The following FAM83H variants were observed in gnomAD, a reference collection of about 807,000 sequenced individuals.
FAM83H encodes the protein scaffolding CK1 anchoring protein H.
A neutral mutation model predicts 30.2 loss-of-function variants in FAM83H; 24 were observed. The ratio of observed to expected loss-of-function variants is 0.79; its 90% CI spans 0.57 to 1.12. FAM83H has a LOEUF of 1.12. Ranked by LOEUF, FAM83H falls within the 50% of genes most tolerant of loss-of-function variation. FAM83H has a pLI of 0.00. For missense variants in FAM83H, 2,038 were observed against 1,773.9 expected (o/e 1.15, Z -2.67); for synonymous variants, 1,013 against 821.7 (o/e 1.23, Z -3.98).
In FAM83H at chr8:143,725,482, G is replaced by C. The variant is rs1554621298; in HGVS notation, c.*439C>G. The C allele has an allele frequency of 9.3e-6, 2 of 214,106 alleles. No homozygotes were observed. The highest frequency in any genetic ancestry group is 2.3e-5 in the African/African-American group (1 of 43,254). 13.3% of individuals were successfully genotyped at this position (214,106 alleles called of 1,614,324 possible). ...GTGGTAGCATACATCTGTAATCCCAGCTACTCAGGAGGCTGAGGCAGGAGA... is the reference window on the plus strand; with the variant it reads ...GTGGTAGCATACATCTGTAATCCCACCTACTCAGGAGGCTGAGGCAGGAGA... On this transcript the variant is annotated 3_prime_UTR_variant, in exon 5 of 5. Coordinates refer to ENST00000388913, the MANE Select transcript of FAM83H (RefSeq NM_198488.5).
At position 143,727,483 on chromosome 8, in the gene FAM83H, G is replaced by T; in HGVS notation, c.1978C>A (p.Pro660Thr). 1 of 1,568,962 alleles carries T rather than the reference G, an allele frequency of 6.4e-7. No homozygotes were observed. The highest frequency in any genetic ancestry group is 1.3e-5 in the African/African-American group (1 of 74,516). The change falls in exon 5 of 5, where the codon CCT (proline) becomes ACT (threonine). Residue 660 changes from proline to threonine, a missense_variant. Pro to Thr is a conservative substitution (Grantham distance 38). Coordinates refer to ENST00000388913, the MANE Select transcript of FAM83H (RefSeq NM_198488.5). ...NGPEREGPEE[P>T]GLAKQDSFRS... is the part of the protein sequence containing the mutation. ...AATGAGTCCTGCTTGGCCAGGCCAGGCTCCTCCGGGCCCTCGCGCTCTGGG... is the reference window on the plus strand; with the variant it reads ...AATGAGTCCTGCTTGGCCAGGCCAGTCTCCTCCGGGCCCTCGCGCTCTGGG...
chr8:143,728,763 C>T (rs1344577823), intron 4 of FAM83H, 40 bp from the exon 5 acceptor site: 8 of 1,598,380 alleles, frequency 5.0e-6, no homozygotes, highest in Non-Finnish European at 5.9e-6. Context: ...CGAGCTGGAG[C>T]GAGGGCACTG....
In FAM83H at chr8:143,728,739, G is replaced by T. The variant is rs781965197; in HGVS notation, c.738-16C>A. 6.3e-7 allele frequency: 1 copy of T among 1,598,698 alleles called. No homozygotes were observed. Among genetic ancestry groups the T allele is most frequent in the South Asian group, 1.1e-5 (1 of 91,082 alleles). ...CCACATGAAGCTGTGGGGGGGTCAG[G>T]GCCAGAGTCAAACCGAGCTGGAGCG... On this transcript the variant is annotated splice_polypyrimidine_tract_variant and intron_variant, in intron 4 of 4. Coordinates refer to ENST00000388913, the MANE Select transcript of FAM83H (RefSeq NM_198488.5).
At chr8:143,732,110 T>C in intron 1 of FAM83H, 1 of 985,272 alleles carries the variant, frequency 1.0e-6, no homozygotes, top group Non-Finnish European at 1.2e-6. Flanking sequence ...ACTACATGGG[T>C]GCTAGCCGGA....
At chr8:143,732,266 T>C in intron 1 of FAM83H, 1 of 985,340 alleles carries the variant, frequency 1.0e-6, no homozygotes, top group Non-Finnish European at 1.2e-6. Flanking sequence ...GTCCCAACAT[T>C]TCTTTGTTGG....
Position 143,728,194 on chromosome 8 carries a change from A to G in FAM83H, c.1267T>C (p.Phe423Leu), listed in dbSNP as rs782081943. ...CGCGACACCTGCCGCGCGGCCGCGA[A>G]GTTCTCCACGGCGCCCGCGCCCTCG... is the stretch of plus-strand genomic sequence containing the variant. ...ATEGAGAVEN[F>L]AAARQVSRQT... The change falls in exon 5 of 5, where the codon TTC (phenylalanine) becomes CTC (leucine). Residue 423 changes from phenylalanine (F) to leucine (L), a missense_variant. Physicochemically the swap from Phe to Leu is conservative, Grantham distance 22. Transcript: ENST00000388913. The G allele has an allele frequency of 6.2e-6, 10 of 1,604,018 alleles. No homozygotes were observed. The highest frequency in any genetic ancestry group is 3.4e-5 in the Admixed American group (2 of 59,572).
At position 143,728,498 on chromosome 8, in the gene FAM83H, G is replaced by A. The variant is rs782764614; in HGVS notation, c.963C>T (p.Ser321=). ...ACAGGAGGTGCGCTCGTTTAGGGAA[G>A]GAGAAGGGGGTTGGCGCCCCGACCC... ...VPGVGAPTPF[S]FPKRAHLLFP... The change falls in exon 5 of 5, where the codon TCC becomes TCT. Residue 321 remains serine, a synonymous_variant. Transcript: ENST00000388913. The A allele has an allele frequency of 1.1e-5, 17 of 1,556,192 alleles. No individual in the cohort carries two copies. The South Asian group carries it at 1.5e-4, about 14-fold the overall frequency.
Position 143,727,306 on chromosome 8 carries a change from G to A in FAM83H, c.2155C>T (p.Leu719=), listed in dbSNP as rs1554622470. 6.5e-7 allele frequency: 1 copy of A among 1,543,130 alleles called. No homozygotes were observed. ...CGCACGGCCTCTCCGCCGGGCCCCAGCGTCTCGCTGACCGTCTGCTCCTTG... is the reference window on the plus strand; with the variant it reads ...CGCACGGCCTCTCCGCCGGGCCCCAACGTCTCGCTGACCGTCTGCTCCTTG... The part of the protein sequence containing the change: ...LHKEQTVSET[L]GPGGEAVRSA... Residue 719 remains leucine, a synonymous_variant, in exon 5 of 5, where the codon CTG becomes TTG. Transcript: ENST00000388913.
Position 143,728,374 on chromosome 8 carries a change from G to A in FAM83H, c.1087C>T (p.Pro363Ser), listed in dbSNP as rs781792849. Residue 363 changes from proline (P) to serine (S), a missense_variant, in exon 5 of 5, where the codon CCG becomes TCG. By Grantham distance (74) the Pro-to-Ser change is moderately conservative (BLOSUM62 -1). Coordinates refer to ENST00000388913, the MANE Select transcript of FAM83H (RefSeq NM_198488.5). Reference protein sequence around the residue: ...AFRREEPPRMPGGALEPHAGL... With the variant: ...AFRREEPPRMSGGALEPHAGL... ...GCGTGCGGTTCCAGCGCGCCCCCCG[G>A]CATCCGCGGCGGCTCCTCCCGGCGG... is the stretch of plus-strand genomic sequence containing the variant. The A allele has an allele frequency of 5.8e-6, 9 of 1,544,296 alleles. No individual in the cohort carries two copies. Among genetic ancestry groups the A allele is most frequent in the East Asian group, 2.5e-5 (1 of 40,572 alleles).
chr8:143,726,302 C>T lies in FAM83H; in HGVS notation c.3159G>A (p.Lys1053=), dbSNP rs1554621684. 3 of 1,612,140 alleles carry T rather than the reference C, an allele frequency of 1.9e-6. No homozygotes were observed. Among genetic ancestry groups the T allele is most frequent in the Non-Finnish European group, 2.5e-6 (3 of 1,179,728 alleles). ...ILEQISAHGQ[K]HRAVPAPSPG... is the part of the protein sequence containing the mutation. ...GGCTCGGGGCAGGGACCGCACGGTG[C>T]TTCTGGCCGTGGGCACTGATCTGCT... Residue 1053 remains lysine, a synonymous_variant, in exon 5 of 5, where the codon AAG becomes AAA. Coordinates refer to ENST00000388913, the MANE Select transcript of FAM83H (RefSeq NM_198488.5).
At chr8:143,732,186 T>G in intron 1 of FAM83H, 1 of 985,354 alleles carries the variant, frequency 1.0e-6, no homozygotes, top group Non-Finnish European at 1.2e-6. Flanking sequence ...GGGGGTGACA[T>G]GGAGTTGAGA....
rs529093146 is a variant in FAM83H at position 143,728,164 on chromosome 8, T to G, written c.1297A>C (p.Thr433Pro). Reference sequence around the variant, plus strand: ...AAGTCGTCGCCGTGGCTGAGGAACGTCTGCCGCGACACCTGCCGCGCGGCC... The same window carrying G: ...AAGTCGTCGCCGTGGCTGAGGAACGGCTGCCGCGACACCTGCCGCGCGGCC... ...FAAARQVSRQ[T>P]FLSHGDDFRF... Residue 433 changes from threonine (T) to proline (P), a missense_variant, in exon 5 of 5, where the codon ACG (threonine) becomes CCG (proline). Transcript: ENST00000388913. 1.2e-6 allele frequency: 2 copies of G among 1,607,746 alleles called. No homozygotes were observed. The highest frequency in any genetic ancestry group is 2.7e-5 in the African/African-American group (2 of 74,882).
At chr8:143,731,841 G>A in intron 1 of FAM83H, 2 of 985,452 alleles carry the variant, frequency 2.0e-6, no homozygotes, top group Non-Finnish European at 2.4e-6. Context: ...CCCTGCGGGG[G>A]CCTGGCCTCT....
intron 1 of FAM83H, chr8:143,731,669 G>A: frequency 1.0e-6 from 1 of 985,434 alleles, no homozygotes; most frequent in Non-Finnish European, 1.2e-6. Flanking sequence ...ACAGGGCCCT[G>A]CAGGGCCTGC....
At position 143,730,230 on chromosome 8, in the gene FAM83H, T is replaced by C. The variant is rs1818466326; in HGVS notation, c.353A>G (p.Gln118Arg). The change falls in exon 2 of 5, where the codon CAG becomes CGG. Residue 118 changes from glutamine to arginine, a missense_variant. Gln to Arg is a conservative substitution (Grantham distance 43, BLOSUM62 1). Transcript: ENST00000388913. The stretch of plus-strand genomic sequence containing the variant: ...CACCAAGGTGGTCACCTCGGTGCCC[T>C]GGAAGCCGAAGGTCAGAGGCCAGCC... ...DLGWPLTFGFQGTEVTTLVQP... is the reference protein window; with the variant it reads ...DLGWPLTFGFRGTEVTTLVQP... The C allele has an allele frequency of 1.2e-6, 2 of 1,613,338 alleles. No homozygotes were observed. The highest frequency in any genetic ancestry group is 2.2e-5 in the East Asian group (1 of 44,890).
chr8:143,725,755 G>A lies in FAM83H; in HGVS notation c.*166C>T, dbSNP rs527984779. 1 of 1,225,476 alleles carries A rather than the reference G, an allele frequency of 8.2e-7. No homozygotes were observed. The highest frequency in any genetic ancestry group is 2.6e-5 in the East Asian group (1 of 39,118). 75.9% of individuals were successfully genotyped at this position (1,225,476 alleles called of 1,614,324 possible). A position where few individuals can be genotyped will look rare whatever the true frequency, so the allele number is the denominator to read the frequency against. ...GGGGCAGAGACGGCAGCTGCCAGGT[G>A]AGCCTCCAGTGGAGCCGAGGTCTGG... is the stretch of plus-strand genomic sequence containing the variant. On this transcript the variant is annotated 3_prime_UTR_variant, in exon 5 of 5. Coordinates refer to ENST00000388913, the MANE Select transcript of FAM83H (RefSeq NM_198488.5).
chr8:143,727,665 C>A lies in FAM83H; in HGVS notation c.1796G>T (p.Gly599Val). 1 of 1,570,402 alleles carries A rather than the reference C, an allele frequency of 6.4e-7. No individual in the cohort carries two copies. Residue 599 changes from glycine (G) to valine (V), a missense_variant, in exon 5 of 5, where the codon GGC becomes GTC. Transcript: ENST00000388913. ...GCHGEDGGDDGLPAPMEAEAY... is the reference protein window; with the variant it reads ...GCHGEDGGDDVLPAPMEAEAY... ...CTCCGCTTCCATGGGCGCCGGTAGG[C>A]CGTCGTCGCCCCCATCCTCGCCGTG...
chr8:143,731,308 A>G (rs1818513325), intron 1 of FAM83H: 1 of 984,204 alleles, frequency 1.0e-6, no homozygotes, highest in African/African-American at 1.7e-5. Flanking sequence ...GACTGTGGGT[A>G]GGTCACTGCA....
chr8:143,731,580 C>T (rs1181732870), intron 1 of FAM83H: 2 of 985,370 alleles, frequency 2.0e-6, no homozygotes, highest in African/African-American at 3.5e-5. Context: ...CCCCTCCTTC[C>T]CTTGGCCTAC....
Sources: allele counts gnomAD v4.1 joint callset, GRCh38; gene constraint gnomAD v4.1.1; transcripts MANE v1.5; gene names NCBI Gene and HGNC (gene_info 2026-07-23, HGNC 2026-07-21).